Variants in ANKFY1 observed in about 807,000 individuals in gnomAD.
ANKFY1 encodes ankyrin repeat and FYVE domain-containing protein 1.
Under a neutral mutation model 128.3 loss-of-function variants are expected in ANKFY1, and 47 were observed. That is an observed-to-expected ratio of 0.37 (90% CI 0.29 to 0.47). The LOEUF (loss-of-function observed/expected upper bound fraction) is 0.47. Ranked by LOEUF, ANKFY1 falls within the 20% of genes least tolerant of loss-of-function variation. ANKFY1 has a pLI of 1.00. For synonymous variants in ANKFY1, 553 were observed against 601.6 expected, an observed-to-expected ratio of 0.92 and a Z score of 1.18; for missense variants, 1,222 against 1,510.6, an observed-to-expected ratio of 0.81 and a Z score of 3.17.
At chr17:4,179,626 TG>T in intron 17 of ANKFY1, 94 bp downstream of exon 17, 1 of 1,484,976 alleles carries the variant, frequency 6.7e-7, no homozygotes, top group Non-Finnish European at 9.0e-7. Flanking sequence ...CAGCAGCGCC[TG>T]GAACTGGGGA....
At chr17:4,189,745 G>A (rs536153273) in intron 10 of ANKFY1, among the ~76,000 whole-genome samples, 4 of 150,936 alleles carry the variant, frequency 2.7e-5, no homozygotes, top group African/African-American at 7.3e-5. Context: ...GTAGGTCCAC[G>A]CCAGACAGTA....
chr17:4,199,782 G>A (rs527373436), intron 7 of ANKFY1, among the ~76,000 whole-genome samples: 6 of 152,340 alleles, frequency 3.9e-5, no homozygotes, highest in African/African-American at 1.4e-4. Context: ...AGTTAACTTG[G>A]AGGATGACAA....
chr17:4,168,938 C>T (rs1168734767), intron 24 of ANKFY1: 14 of 473,772 alleles, frequency 3.0e-5, no homozygotes, highest in Non-Finnish European at 5.5e-5. Flanking sequence ...AAGGATGGCA[C>T]AGGCCTGGCA....
At chr17:4,228,064 T>C (rs2060454264) in intron 3 of ANKFY1, among the ~76,000 whole-genome samples, 1 of 152,132 alleles carries the variant, frequency 6.6e-6, no homozygotes, top group Admixed American at 6.6e-5. Context: ...ATTTTCTTGC[T>C]AATAAAACCC....
chr17:4,237,154 C>A (rs1410531598), intron 2 of ANKFY1, among the ~76,000 whole-genome samples: 2 of 151,922 alleles, frequency 1.3e-5, no homozygotes, highest in Non-Finnish European at 2.9e-5. Context: ...AAGAGGAAAC[C>A]CAAACAGAAT....
In ANKFY1 at chr17:4,235,705, C is replaced by T. The variant is rs78141960; in HGVS notation, c.322+67G>A. On this transcript the variant is annotated intron_variant, in intron 3 of 24. Transcript: ENST00000341657. Reference sequence around the variant, plus strand: ...AAATCACAAATATTTCAAAATGAGACACCACAACCTTCTGCCAAGAGCCCT... The same window carrying T: ...AAATCACAAATATTTCAAAATGAGATACCACAACCTTCTGCCAAGAGCCCT... 4.0e-3 allele frequency: 4,301 copies of T among 1,080,506 alleles called. 119 individuals are homozygous for T. In the African/African-American group the frequency reaches 0.061, roughly 15 times the overall value. 66.9% of individuals were successfully genotyped at this position (1,080,506 alleles called of 1,614,324 possible). A position where few individuals can be genotyped will look rare whatever the true frequency, so the allele number is the denominator to read the frequency against.
chr17:4,194,292 G>A (rs1364288247), intron 10 of ANKFY1, among the ~76,000 whole-genome samples: 2 of 150,186 alleles, frequency 1.3e-5, no homozygotes, highest in Admixed American at 6.7e-5. Context: ...TTTCAGTAGC[G>A]ACAGGTTTCA....
chr17:4,221,816 C>T (rs2060318729), intron 3 of ANKFY1, among the ~76,000 whole-genome samples: 1 of 152,106 alleles, frequency 6.6e-6, no homozygotes, highest in African/African-American at 2.4e-5. Context: ...GAGGTTTCGC[C>T]ATGTTGGTCA....
chr17:4,213,057 G>A (rs939736554), intron 4 of ANKFY1, among the ~76,000 whole-genome samples: 1 of 152,056 alleles, frequency 6.6e-6, no homozygotes, highest in African/African-American at 2.4e-5. Context: ...TTACAGGCGT[G>A]AGCCACCGCA....
At chr17:4,168,148 T>TTG (rs1555621445) in intron 24 of ANKFY1, 2 of 410,766 alleles carry the variant, frequency 4.9e-6, no homozygotes, top group Admixed American at 7.8e-5. Context: ...TTTTTTTTTT[T>TTG]TTGGAAGATC....
chr17:4,189,684 G>C (rs957897517), intron 10 of ANKFY1, among the ~76,000 whole-genome samples: 1 of 151,080 alleles, frequency 6.6e-6, no homozygotes, highest in Non-Finnish European at 1.5e-5. Context: ...CCAGACAGTA[G>C]GCCCACGCCA....
chr17:4,198,876 G>A (rs1375446151), intron 7 of ANKFY1, among the ~76,000 whole-genome samples: 1 of 152,064 alleles, frequency 6.6e-6, no homozygotes, highest in African/African-American at 2.4e-5. Flanking sequence ...GTCTACCTAG[G>A]ACAATTTACA....
intron 1 of ANKFY1, among the ~76,000 whole-genome samples, chr17:4,259,140 C>T (rs950457735): frequency 6.6e-6 from 1 of 152,118 alleles, no homozygotes; most frequent in African/African-American, 2.4e-5. Context: ...CCCACAGCTA[C>T]TTGTGAGCTA....
intron 13 of ANKFY1, 111 bp downstream of exon 13, chr17:4,183,701 A>C: frequency 7.1e-7 from 1 of 1,412,460 alleles, no homozygotes; most frequent in Non-Finnish European, 9.8e-7. Flanking sequence ...TTATTTTACA[A>C]CCAAATGATT....
At chr17:4,191,295 A>G (rs1209454496) in intron 10 of ANKFY1, 1 of 152,144 alleles carries the variant, frequency 6.6e-6, no homozygotes, top group Admixed American at 6.5e-5. Flanking sequence ...CTCCTAGTTG[A>G]TGGTTAATCT....
In ANKFY1 at chr17:4,211,233, G is replaced by A. The variant is rs112253026; in HGVS notation, c.459-1286C>T. Among the ~76,000 whole-genome samples, 237 of 151,534 alleles carry A rather than the reference G, an allele frequency of 1.6e-3. 2 individuals are homozygous for A. Among genetic ancestry groups the A allele is most frequent in the African/African-American group, 4.0e-3 (167 of 41,272 alleles). On this transcript the variant is annotated intron_variant, in intron 4 of 24. Coordinates refer to ENST00000341657, the MANE Select transcript of ANKFY1 (RefSeq NM_001330063.2). ...AGCCTGGGCAACATAGCGAAACCCC[G>A]TCTTTACTACAAATACAAAAACAAA...
At position 4,189,441 on chromosome 17, in the gene ANKFY1, C is replaced by T; in HGVS notation, c.1411G>A (p.Glu471Lys). Residue 471 changes from glutamate (E) to lysine (K), a missense_variant, in exon 11 of 25, where the codon GAG becomes AAG. Coordinates refer to ENST00000341657, the MANE Select transcript of ANKFY1 (RefSeq NM_001330063.2). Reference sequence around the variant, plus strand: ...GTTGCCAGGAAAAGAGCTGCTGCCTCGTTTCCTGCTCCAGCTGCCCGCTGT... The same window carrying T: ...GTTGCCAGGAAAAGAGCTGCTGCCTTGTTTCCTGCTCCAGCTGCCCGCTGT... Reference protein sequence around the residue: ...LLQRAAGAGNEAAALFLATNG... With the variant: ...LLQRAAGAGNKAAALFLATNG... The T allele has an allele frequency of 3.8e-6, 6 of 1,592,126 alleles. No homozygotes were observed. The highest frequency in any genetic ancestry group is 5.1e-6 in the Non-Finnish European group (6 of 1,166,530).
chr17:4,234,805 G>A (rs540857990), intron 3 of ANKFY1, among the ~76,000 whole-genome samples: 30 of 152,060 alleles, frequency 2.0e-4, no homozygotes, highest in Non-Finnish European at 3.4e-4. Flanking sequence ...CACCATACCC[G>A]GCCTTAAAAT....
Position 4,163,975 on chromosome 17 carries a change from C to T in ANKFY1, c.*3804G>A, listed in dbSNP as rs2059168679. 2 of 152,646 alleles carry T rather than the reference C, an allele frequency of 1.3e-5. No individual in the cohort carries two copies. Among genetic ancestry groups the T allele is most frequent in the South Asian group, 2.1e-4 (1 of 4,834 alleles). The allele number at this position is 152,646 out of a possible 1,614,324, so 9.5% of individuals were successfully genotyped here. ...TGCAAATATCAGTATTTGAAAAATA[C>T]ATTCCATTACACAGACTCCAAAGAA... On this transcript the variant is annotated 3_prime_UTR_variant, in exon 25 of 25. Coordinates refer to ENST00000341657, the MANE Select transcript of ANKFY1 (RefSeq NM_001330063.2).
Sources: gnomAD v4.1 joint callset for allele counts (sites outside exome capture counted in the v4.1 genomes callset) on GRCh38, gnomAD v4.1.1 for gene constraint, MANE v1.5 for transcripts, NCBI Gene and HGNC (gene_info 2026-07-23, HGNC 2026-07-21) for gene names.